RNASE10: variants seen among roughly 807,000 people sequenced by gnomAD.
The protein encoded by RNASE10 is ribonuclease A family member 10 (inactive), also known as inactive ribonuclease-like protein 10.
A neutral mutation model predicts 1.1 loss-of-function variants in RNASE10; 2 were observed. The ratio of observed to expected loss-of-function variants is 1.82; its 90% CI spans 0.74 to 5.73. RNASE10 has a LOEUF of 5.73. Among genes scored for constraint, RNASE10 ranks in the 30% most tolerant of loss-of-function variants. The pLI is 0.05. For synonymous variants in RNASE10, 97 were observed against 96.2 expected (o/e 1.01, Z -0.05); for missense variants, 276 against 263.4 (o/e 1.05, Z -0.33).
At chr14:20,510,588 A>G (rs1261610219) in exon 2 of RNASE10, 2 of 1,614,140 alleles carry the variant, frequency 1.2e-6, no homozygotes, top group Non-Finnish European at 1.7e-6. Context: ...AGAGTGATCA[A>G]CCGCTCAATG....
chr14:20,511,105 T>C (rs897354225), exon 2 of RNASE10: 1 of 1,496,062 alleles, frequency 6.7e-7, no homozygotes, highest in Non-Finnish European at 8.9e-7. Context: ...GAAGCGCCAG[T>C]TACCAACTGG....
intron 1 of RNASE10, among the ~76,000 whole-genome samples, chr14:20,506,741 C>T (rs1415358689): frequency 1.5e-5 from 2 of 129,710 alleles, no homozygotes; most frequent in African/African-American, 6.0e-5. Context: ...GCCCGGCCAG[C>T]CGCCCCGTCC....
rs1161151989 is a variant in RNASE10 at position 20,510,577 on chromosome 14, G to T, written c.190G>T (p.Glu64Ter). Residue 64 changes from glutamate to a stop codon, truncating the protein, a stop_gained, in exon 2 of 2, where the codon GAG becomes TAG. Transcript: ENST00000430083. LOFTEE classifies it low-confidence loss of function (END_TRUNC). ...TCATATGGCTACAGCAGTCTTGGAG[G>T]AGAGTGATCAACCGCTCAATGAATT... is the stretch of plus-strand genomic sequence containing the variant. The T allele has an allele frequency of 1.9e-6, 3 of 1,614,206 alleles. No individual in the cohort carries two copies. The highest frequency in any genetic ancestry group is 2.5e-6 in the Non-Finnish European group (3 of 1,180,040).
At chr14:20,512,129 A>C (rs1882913276), downstream of RNASE10, among the ~76,000 whole-genome samples, 1 of 152,204 alleles carries the variant, frequency 6.6e-6, no homozygotes, top group Non-Finnish European at 1.5e-5. Context: ...TGCTCATATG[A>C]GGTGCCCAGT....
chr14:20,507,850 C>A (rs1207629255), intron 1 of RNASE10, among the ~76,000 whole-genome samples: 1 of 151,874 alleles, frequency 6.6e-6, no homozygotes, highest in Non-Finnish European at 1.5e-5. Flanking sequence ...TGGGCTCCAA[C>A]CATCCTCCCA....
intron 1 of RNASE10, among the ~76,000 whole-genome samples, chr14:20,507,273 A>C (rs1882767468): frequency 7.2e-6 from 1 of 138,526 alleles, no homozygotes; most frequent in Non-Finnish European, 1.6e-5. Flanking sequence ...GTACTAAGAA[A>C]AATTCTTCTG....
chr14:20,513,243 A>G (rs1325323526), downstream of RNASE10, among the ~76,000 whole-genome samples: 1 of 151,692 alleles, frequency 6.6e-6, no homozygotes, highest in Non-Finnish European at 1.5e-5. Flanking sequence ...TTTTTGTTTA[A>G]TCTGACCACG....
chr14:20,506,327 C>A, intron 1 of RNASE10, among the ~76,000 whole-genome samples: 1 of 130,606 alleles, frequency 7.7e-6, no homozygotes, highest in Non-Finnish European at 1.7e-5. Context: ...GGGTCAGCCC[C>A]CCGCCCGGCC....
At chr14:20,511,612 C>T (rs1204515205), downstream of RNASE10, among the ~76,000 whole-genome samples, 2 of 152,330 alleles carry the variant, frequency 1.3e-5, no homozygotes, top group East Asian at 3.9e-4. Flanking sequence ...GAACAGGCTT[C>T]CTTTTCCGAG....
chr14:20,511,840 C>T (rs865917134), downstream of RNASE10, among the ~76,000 whole-genome samples: 13 of 151,994 alleles, frequency 8.6e-5, no homozygotes, highest in Admixed American at 2.6e-4. Flanking sequence ...TCTTTTTCTC[C>T]TTACTTTCTC....
chr14:20,510,605 G>T (rs750509822), exon 2 of RNASE10: 8 of 1,614,076 alleles, frequency 5.0e-6, no homozygotes, highest in Non-Finnish European at 6.8e-6. Flanking sequence ...AATGAATTTT[G>T]GTCCAGTGAC....
At chr14:20,506,281 C>A (rs1882712306) in intron 1 of RNASE10, among the ~76,000 whole-genome samples, 1 of 124,628 alleles carries the variant, frequency 8.0e-6, no homozygotes, top group Non-Finnish European at 1.7e-5. Context: ...AGCCCATCTG[C>A]CCGGCCAGCC....
At chr14:20,510,968 G>A in exon 2 of RNASE10, 1 of 1,605,098 alleles carries the variant, frequency 6.2e-7, no homozygotes, top group Non-Finnish European at 8.5e-7. Context: ...GGGGGAAAAT[G>A]TCACAAAAGC....
intron 1 of RNASE10, among the ~76,000 whole-genome samples, chr14:20,506,702 C>T (rs1594439792): frequency 3.3e-5 from 4 of 120,428 alleles, no homozygotes; most frequent in South Asian, 3.1e-4. Context: ...CCGCCCCGTC[C>T]GGGAGGGAGG....
chr14:20,504,650 C>T (rs1021394123), upstream of RNASE10, among the ~76,000 whole-genome samples: 7 of 138,356 alleles, frequency 5.1e-5, no homozygotes, highest in South Asian at 7.1e-4. Flanking sequence ...ATCGCGCCAC[C>T]GCACTCCAGC....
chr14:20,512,499 A>G (rs752516877), downstream of RNASE10, among the ~76,000 whole-genome samples: 1 of 152,216 alleles, frequency 6.6e-6, no homozygotes, highest in South Asian at 2.1e-4. Context: ...TCAGGGACAT[A>G]CATAAATGGG....
chr14:20,504,683 G>A (rs1186220829), upstream of RNASE10, among the ~76,000 whole-genome samples: 4 of 34,546 alleles, frequency 1.2e-4, no homozygotes, highest in African/African-American at 1.0e-3. Flanking sequence ...GAGAGACTCC[G>A]TCTCAAAAAA....
chr14:20,511,237 G>GC (rs1882894179), downstream of RNASE10: 1 of 843,676 alleles, frequency 1.2e-6, no homozygotes, highest in Non-Finnish European at 1.7e-6. Flanking sequence ...ATTCTTCCTT[G>GC]CCCTATGGGT....
At chr14:20,509,093 C>G (rs899860837) in intron 1 of RNASE10, among the ~76,000 whole-genome samples, 1 of 152,190 alleles carries the variant, frequency 6.6e-6, no homozygotes, top group Non-Finnish European at 1.5e-5. Flanking sequence ...GACAGAATCT[C>G]ACTCCGTCAC....
Sources: gnomAD v4.1 joint callset for allele counts (sites outside exome capture counted in the v4.1 genomes callset) on GRCh38, gnomAD v4.1.1 for gene constraint, MANE v1.5 for transcripts, NCBI Gene and HGNC (gene_info 2026-07-23, HGNC 2026-07-21) for gene names.